Variants in DYNC2H1 observed in about 807,000 individuals in gnomAD.
DYNC2H1 encodes dynein cytoplasmic 2 heavy chain 1.
A neutral mutation model predicts 570.0 loss-of-function variants in DYNC2H1; 410 were observed. That is an observed-to-expected ratio of 0.72 (90% confidence interval 0.66 to 0.78). The LOEUF is 0.78. Ranked by LOEUF, DYNC2H1 falls within the 30% of genes least tolerant of loss-of-function variation. DYNC2H1 has a pLI of 0.00. For missense variants in DYNC2H1, 4,865 were observed against 5,046.4 expected (o/e 0.96, Z 1.09); for synonymous variants, 1,688 against 1,677.6 (o/e 1.01, Z -0.15).
At chr11:103,223,517 A>G (rs1291311825) in intron 59 of DYNC2H1, among the ~76,000 whole-genome samples, 1 of 151,930 alleles carries the variant, frequency 6.6e-6, no homozygotes, top group Non-Finnish European at 1.5e-5. Context: ...CCTCCCGAGT[A>G]GCTGGGATTA....
rs1186485296 is a variant in DYNC2H1, at chr11:103,154,555, A to C, written c.3407A>C (p.Glu1136Ala). The change falls in exon 23 of 89, where the codon GAG (glutamate) becomes GCG (alanine). Residue 1136 changes from glutamate (E) to alanine (A), a missense_variant. Around this residue, in one of 5 missense-constraint regions of DYNC2H1, gnomAD observed 1,936 missense variants for 1,962.1 expected, o/e 0.99. Coordinates refer to ENST00000375735, the MANE Select transcript of DYNC2H1 (RefSeq NM_001377.3). ...SCAQIWAFYEEFQQGFQEMAN... is the reference protein window; with the variant it reads ...SCAQIWAFYEAFQQGFQEMAN... ...GCCCAAATTTGGGCCTTTTATGAAG[A>C]GTTTCAACAAGGATTTCAGGAAATG... 4 of 1,600,088 alleles carry C rather than the reference A, an allele frequency of 2.5e-6. No individual in the cohort carries two copies. Among genetic ancestry groups the C allele is most frequent in the Non-Finnish European group, 3.4e-6 (4 of 1,173,410 alleles).
At chr11:103,136,155 TTTGA>T (rs994079133) in intron 17 of DYNC2H1, among the ~76,000 whole-genome samples, 43 of 151,738 alleles carry the variant, frequency 2.8e-4, no homozygotes, top group Non-Finnish European at 1.0e-4. Flanking sequence ...TTTTTTTGTC[TTTGA>T]TTATTTTGTG....
At chr11:103,195,880 T>C (rs1483481228) in intron 47 of DYNC2H1, among the ~76,000 whole-genome samples, 1 of 152,244 alleles carries the variant, frequency 6.6e-6, no homozygotes, top group East Asian at 1.9e-4. Context: ...ACCTAACTTA[T>C]ACCTAAGTTT....
chr11:103,385,788 C>G (rs1185774821), intron 83 of DYNC2H1, among the ~76,000 whole-genome samples: 1 of 152,160 alleles, frequency 6.6e-6, no homozygotes, highest in Non-Finnish European at 1.5e-5. Context: ...TAGACATCCC[C>G]TTTCAAAGGA....
At chr11:103,390,759 T>C (rs373860674) in intron 83 of DYNC2H1, among the ~76,000 whole-genome samples, 3 of 152,062 alleles carry the variant, frequency 2.0e-5, no homozygotes, top group Non-Finnish European at 2.9e-5. Flanking sequence ...ACTTAGGAAG[T>C]TTAGTTTGGC....
chr11:103,215,715 A>G lies in DYNC2H1; in HGVS notation c.8695-6A>G. The stretch of plus-strand genomic sequence containing the variant: ...AATATTGCCGATCAATATTTTATTG[A>G]TGTAGGCTGGTGTATCTAAACTAAA... On this transcript the variant is annotated splice_polypyrimidine_tract_variant and splice_region_variant and intron_variant, in intron 54 of 88. Coordinates refer to ENST00000375735, the MANE Select transcript of DYNC2H1 (RefSeq NM_001377.3). 6.3e-7 allele frequency: 1 copy of G among 1,592,414 alleles called. No homozygotes were observed. The highest frequency in any genetic ancestry group is 8.5e-7 in the Non-Finnish European group (1 of 1,169,756).
chr11:103,410,276 G>C (rs1943027394), intron 84 of DYNC2H1, among the ~76,000 whole-genome samples: 1 of 151,976 alleles, frequency 6.6e-6, no homozygotes. Flanking sequence ...TTGGTTTACT[G>C]CTAAATCCTC....
intron 85 of DYNC2H1, among the ~76,000 whole-genome samples, chr11:103,452,035 G>A (rs1237164630): frequency 6.6e-6 from 1 of 151,446 alleles, no homozygotes; most frequent in East Asian, 1.9e-4. Flanking sequence ...TTCCTCATGT[G>A]AATTTTTTTC....
chr11:103,478,816 TTTTA>T lies in DYNC2H1; in HGVS notation c.12766-273_12766-270del, dbSNP rs146010054. 0.022 allele frequency among the ~76,000 whole-genome samples: 3,415 copies of T among 152,106 alleles called. 80 individuals carry two copies. The highest frequency in any genetic ancestry group is 0.053 in the African/African-American group (2,196 of 41,524). Reference sequence around the variant, plus strand: ...TACTGTGTGATAATACATGGTTCTATTTTATTTATAGAGATATATATGTAAATAT... The same window carrying T: ...TACTGTGTGATAATACATGGTTCTATTTTATAGAGATATATATGTAAATAT... On this transcript the variant is annotated intron_variant, in intron 88 of 88. Coordinates refer to ENST00000375735, the MANE Select transcript of DYNC2H1 (RefSeq NM_001377.3).
At chr11:103,381,621 G>A (rs1941652406) in intron 83 of DYNC2H1, among the ~76,000 whole-genome samples, 1 of 152,072 alleles carries the variant, frequency 6.6e-6, no homozygotes, top group Non-Finnish European at 1.5e-5. Flanking sequence ...GCTAATTTTT[G>A]TATTTTTAGT....
intron 85 of DYNC2H1, among the ~76,000 whole-genome samples, chr11:103,444,952 T>G (rs765168940): frequency 6.6e-6 from 1 of 152,090 alleles, no homozygotes; most frequent in Admixed American, 6.5e-5. Context: ...AGTAGAAGAT[T>G]GAGAGCAAAA....
chr11:103,423,959 T>C lies in DYNC2H1; in HGVS notation c.12367-11984T>C, dbSNP rs565819336. Among the ~76,000 whole-genome samples the C allele has an allele frequency of 2.6e-5, 4 of 152,084 alleles. No individual in the cohort carries two copies. In the South Asian group the frequency reaches 6.2e-4, roughly 24 times the overall value. ...GAAATTAAGAACTTAATTCCACTTATAATAGCATTGAAAAGAATGAAGTAG... is the reference window on the plus strand; with the variant it reads ...GAAATTAAGAACTTAATTCCACTTACAATAGCATTGAAAAGAATGAAGTAG... On this transcript the variant is annotated intron_variant, in intron 84 of 88. Transcript: ENST00000375735.
chr11:103,442,551 T>C (rs1405163446), intron 85 of DYNC2H1, among the ~76,000 whole-genome samples: 4 of 152,084 alleles, frequency 2.6e-5, no homozygotes, highest in Non-Finnish European at 2.9e-5. Context: ...TCTTGCACAT[T>C]TGGAATACTA....
At chr11:103,140,602 C>T (rs1457157376) in intron 17 of DYNC2H1, among the ~76,000 whole-genome samples, 1 of 152,180 alleles carries the variant, frequency 6.6e-6, no homozygotes, top group African/African-American at 2.4e-5. Context: ...ATGGGCTTCC[C>T]TTTGTGGGTA....
chr11:103,215,404 A>G (rs1863339264), intron 54 of DYNC2H1, among the ~76,000 whole-genome samples: 1 of 152,174 alleles, frequency 6.6e-6, no homozygotes, highest in Middle Eastern at 3.4e-3. Context: ...TATTTTGATG[A>G]TTATCTGGTT....
Position 103,228,603 on chromosome 11 carries a change from A to G in DYNC2H1, c.9354-2657A>G, listed in dbSNP as rs1206747547. On this transcript the variant is annotated intron_variant, in intron 59 of 88. Coordinates refer to ENST00000375735, the MANE Select transcript of DYNC2H1 (RefSeq NM_001377.3). The surrounding 1 kb of genome is among the most constrained non-coding windows in gnomAD (Gnocchi z 6.1). ...TCCACTGGAGGTAGCAGGGGAATGA[A>G]GTGAACTCTGTGATGGTCATTGGTT... is the stretch of plus-strand genomic sequence containing the variant. Among the ~76,000 whole-genome samples, 3 of 151,930 alleles carry G rather than the reference A, an allele frequency of 2.0e-5. No individual in the cohort carries two copies. The highest frequency in any genetic ancestry group is 7.2e-5 in the African/African-American group (3 of 41,402).
chr11:103,177,333 G>A lies in DYNC2H1; in HGVS notation c.5875-223G>A, dbSNP rs2134993434. On this transcript the variant is annotated intron_variant, in intron 37 of 88. Coordinates refer to ENST00000375735, the MANE Select transcript of DYNC2H1 (RefSeq NM_001377.3). This position sits in a 1 kb window ranked among gnomAD's most constrained non-coding sequence, Gnocchi z 4.4. ...CAAGTTTTTTGAACTTGGAAACCTG[G>A]AAAGCACCTTTGTTTCTTTTAAAGA... Among the ~76,000 whole-genome samples the A allele has an allele frequency of 6.6e-6, 1 of 152,044 alleles. No individual in the cohort carries two copies. Among genetic ancestry groups the A allele is most frequent in the East Asian group, 1.9e-4 (1 of 5,188 alleles).
In DYNC2H1 at chr11:103,171,071, A is replaced by G. The variant is rs1861548482; in HGVS notation, c.5334+3A>G. ...TATGTGAACTGCTTGGCAAGGAGGT[A>G]TAGAATATGTTGGGAATTTAAAGAA... On this transcript the variant is annotated splice_donor_region_variant and intron_variant, in intron 34 of 88. Coordinates refer to ENST00000375735, the MANE Select transcript of DYNC2H1 (RefSeq NM_001377.3). The G allele has an allele frequency of 6.4e-7, 1 of 1,573,058 alleles. No homozygotes were observed. The highest frequency in any genetic ancestry group is 8.7e-7 in the Non-Finnish European group (1 of 1,154,642).
At chr11:103,471,166 GTGA>G (rs1945374618) in intron 88 of DYNC2H1, among the ~76,000 whole-genome samples, 2 of 152,318 alleles carry the variant, frequency 1.3e-5, no homozygotes, top group Admixed American at 1.3e-4. Flanking sequence ...CTGATGGCCA[GTGA>G]TGATATTTTT....
Sources: gnomAD v4.1 joint callset for allele counts (sites outside exome capture counted in the v4.1 genomes callset) on GRCh38, gnomAD v4.1.1 for gene constraint, gnomAD v4.1.1 regional missense constraint, Gnocchi (gnomAD v3.1) non-coding constraint, MANE v1.5 for transcripts, NCBI Gene and HGNC (gene_info 2026-07-23, HGNC 2026-07-21) for gene names.